The following ERC2 variants were observed in gnomAD, a reference collection of about 807,000 sequenced individuals.
ERC2 encodes the protein ERC protein 2.
In ERC2, 42 loss-of-function variants were observed where a neutral mutation model predicts 114.8. That is an observed-to-expected ratio of 0.37 (90% CI 0.29 to 0.47). The LOEUF (loss-of-function observed/expected upper bound fraction) is 0.47, where lower values mean the gene tolerates loss of function less well. Ranked by LOEUF, ERC2 falls within the 20% of genes least tolerant of loss-of-function variation. ERC2 has a pLI of 0.99. For synonymous variants in ERC2, 454 were observed against 425.5 expected (o/e 1.07, Z -0.82); for missense variants, 939 against 1,150.7 (o/e 0.82, Z 2.66).
At chr3:56,135,346 T>C (rs1053018623) in intron 6 of ERC2, among the ~76,000 whole-genome samples, 1 of 152,152 alleles carries the variant, frequency 6.6e-6, no homozygotes, top group Non-Finnish European at 1.5e-5. Context: ...CATAAAAAAG[T>C]GACTCAATTG....
chr3:56,423,527 C>T (rs1315214354), intron 2 of ERC2, among the ~76,000 whole-genome samples: 1 of 152,256 alleles, frequency 6.6e-6, no homozygotes, highest in East Asian at 1.9e-4. Flanking sequence ...ACCAAGTTAA[C>T]TTTATCAACG....
chr3:56,352,059 TG>T (rs1165103601), intron 2 of ERC2, among the ~76,000 whole-genome samples: 1 of 152,206 alleles, frequency 6.6e-6, no homozygotes, highest in Non-Finnish European at 1.5e-5. Context: ...GACAGGGTTT[TG>T]CATGCCACAA....
At chr3:55,753,059 G>A (rs144838184) in intron 14 of ERC2, among the ~76,000 whole-genome samples, 58 of 152,246 alleles carry the variant, frequency 3.8e-4, no homozygotes, top group African/African-American at 1.3e-3. Context: ...CCAAGTCCAT[G>A]GGGAAGAGAG....
intron 17 of ERC2, among the ~76,000 whole-genome samples, chr3:55,571,575 G>A (rs1035963666): frequency 4.6e-5 from 7 of 152,118 alleles, no homozygotes; most frequent in African/African-American, 1.7e-4. Flanking sequence ...TGCTCACCCT[G>A]CCTTGCTCGC....
At chr3:55,736,682 AT>A (rs1389257436) in intron 14 of ERC2, among the ~76,000 whole-genome samples, 1 of 152,074 alleles carries the variant, frequency 6.6e-6, no homozygotes, top group Non-Finnish European at 1.5e-5. Flanking sequence ...AGGTAAGTTC[AT>A]TTTTTACTTT....
rs113719559 is a variant in ERC2 at position 56,137,733 on chromosome 3, A to G, written c.1473+1776T>C. Among the ~76,000 whole-genome samples the G allele has an allele frequency of 4.0e-3, 609 of 152,340 alleles. 4 individuals are homozygous for G. Among genetic ancestry groups the G allele is most frequent in the African/African-American group, 0.014 (583 of 41,590 alleles). On this transcript the variant is annotated intron_variant, in intron 6 of 17. Coordinates refer to ENST00000288221, the MANE Select transcript of ERC2 (RefSeq NM_015576.3). Reference sequence around the variant, plus strand: ...GACCCCTATTTGAGACAAGTACTAGATGGTAGAAATGTTCTCTAGCTGTGC... The same window carrying G: ...GACCCCTATTTGAGACAAGTACTAGGTGGTAGAAATGTTCTCTAGCTGTGC...
chr3:56,035,602 C>T (rs1186257782), intron 7 of ERC2, among the ~76,000 whole-genome samples: 1 of 152,160 alleles, frequency 6.6e-6, no homozygotes, highest in Non-Finnish European at 1.5e-5. Context: ...AAGGGCTTGA[C>T]AGAGGGAGTT....
intron 14 of ERC2, among the ~76,000 whole-genome samples, chr3:55,813,161 A>C (rs2059785358): frequency 2.0e-5 from 3 of 152,242 alleles, no homozygotes. Context: ...GCTTGACTCC[A>C]GAGCCACAGT....
intron 3 of ERC2, among the ~76,000 whole-genome samples, chr3:56,204,823 T>C (rs930440189): frequency 6.6e-6 from 1 of 152,000 alleles, no homozygotes; most frequent in African/African-American, 2.4e-5. Context: ...TTGAAAACAC[T>C]GGAATATCTT....
At chr3:56,210,198 G>A (rs1042333863) in intron 3 of ERC2, among the ~76,000 whole-genome samples, 24 of 152,176 alleles carry the variant, frequency 1.6e-4, no homozygotes, top group Admixed American at 3.9e-4. Flanking sequence ...CTTGGCAAGG[G>A]ATTCTAGTCA....
In ERC2 at chr3:56,033,061, AAAG is replaced by A. The variant is rs1488840569; in HGVS notation, c.1642-14033_1642-14031del. On this transcript the variant is annotated intron_variant, in intron 7 of 17. Coordinates refer to ENST00000288221, the MANE Select transcript of ERC2 (RefSeq NM_015576.3). ...GAAAGAAAGAAAGAAAGAAAGAAAG[AAAG>A]AAAGAAAGAAAGAAAGAAAGAAAAG... Among the ~76,000 whole-genome samples, 16 of 145,822 alleles carry A rather than the reference AAAG, an allele frequency of 1.1e-4. No homozygotes were observed. The South Asian group carries it at 1.3e-3, about 12-fold the overall frequency.
intron 7 of ERC2, among the ~76,000 whole-genome samples, chr3:56,061,780 G>T (rs1245043675): frequency 2.6e-5 from 4 of 152,160 alleles, no homozygotes; most frequent in African/African-American, 7.2e-5. Flanking sequence ...CTAAGTTAAA[G>T]TTACTGTAAA....
intron 12 of ERC2, among the ~76,000 whole-genome samples, chr3:55,962,557 C>T (rs6797130): frequency 0.42 from 63,148 of 152,042 alleles, 13,573 homozygotes; most frequent in African/African-American, 0.51. Context: ...GAGACCAGGG[C>T]TATATAATCA....
At chr3:56,000,020 G>A (rs1485664712) in intron 10 of ERC2, among the ~76,000 whole-genome samples, 5 of 151,698 alleles carry the variant, frequency 3.3e-5, no homozygotes, top group Non-Finnish European at 7.4e-5. Flanking sequence ...CAACAAATTA[G>A]AGACATCAAT....
intron 3 of ERC2, among the ~76,000 whole-genome samples, chr3:56,290,704 C>G (rs1560531086): frequency 6.6e-6 from 1 of 152,184 alleles, no homozygotes; most frequent in Non-Finnish European, 1.5e-5. Context: ...TTTGAGCCAT[C>G]AGTAAAGGTC....
intron 2 of ERC2, among the ~76,000 whole-genome samples, chr3:56,369,450 C>T (rs1448376758): frequency 6.6e-6 from 1 of 152,140 alleles, no homozygotes; most frequent in Non-Finnish European, 1.5e-5. Context: ...GCTACTCTCC[C>T]TCTCTGCCAC....
At position 56,040,794 on chromosome 3, in the gene ERC2, ATATATAGAG is replaced by A. The variant is rs1389070321; in HGVS notation, c.1642-21772_1642-21764del. ...TCTATATATAGAGATATATATAGAT[ATATATAGAG>A]AGATACATATAGATATATATGTATC... On this transcript the variant is annotated intron_variant, in intron 7 of 17. Transcript: ENST00000288221. 3.4e-5 allele frequency among the ~76,000 whole-genome samples: 5 copies of A among 147,254 alleles called. No homozygotes were observed. The East Asian group carries it at 8.2e-4, about 24-fold the overall frequency.
chr3:56,397,275 G>A (rs755209559), intron 2 of ERC2, among the ~76,000 whole-genome samples: 1 of 151,612 alleles, frequency 6.6e-6, no homozygotes, highest in Non-Finnish European at 1.5e-5. Flanking sequence ...GTTGAGCCCA[G>A]TAGGCTAAGG....
intron 2 of ERC2, among the ~76,000 whole-genome samples, chr3:56,402,766 T>C (rs2060568680): frequency 6.6e-6 from 1 of 152,242 alleles, no homozygotes; most frequent in Admixed American, 6.5e-5. Flanking sequence ...TTGTATTTTT[T>C]TTCTGGGAAT....
Sources: allele counts gnomAD v4.1 joint callset (sites outside exome capture counted in the v4.1 genomes callset), GRCh38; gene constraint gnomAD v4.1.1; transcripts MANE v1.5; gene names NCBI Gene and HGNC (gene_info 2026-07-23, HGNC 2026-07-21).